FHOD3: variants seen among roughly 807,000 people sequenced by gnomAD.
FHOD3 encodes the protein formin homology 2 domain containing 3, also known as FH1/FH2 domain-containing protein 3.
A neutral mutation model predicts 173.0 loss-of-function variants in FHOD3; 90 were observed. That is an observed-to-expected ratio of 0.52 (90% CI 0.44 to 0.62). The LOEUF (loss-of-function observed/expected upper bound fraction) is 0.62, where lower values mean the gene tolerates loss of function less well. FHOD3 is among the 20% of genes least tolerant of loss of function. The probability of loss-of-function intolerance (pLI) is 0.00; values close to 1 mark genes in which losing one functional copy is unlikely to be tolerated. For synonymous variants in FHOD3, 828 were observed against 823.0 expected (o/e 1.01, Z -0.10); for missense variants, 1,945 against 2,034.7 (o/e 0.96, Z 0.85).
intron 5 of FHOD3, among the ~76,000 whole-genome samples, chr18:36,557,801 A>G (rs1325331966): frequency 6.6e-6 from 1 of 152,020 alleles, no homozygotes; most frequent in African/African-American, 2.4e-5. Context: ...TTGCATGCTG[A>G]TATTTTTGTA....
At chr18:36,758,654 G>A (rs975611229) in intron 25 of FHOD3, among the ~76,000 whole-genome samples, 1 of 152,160 alleles carries the variant, frequency 6.6e-6, no homozygotes, top group East Asian at 1.9e-4. Context: ...TGGGAGGGCC[G>A]GCAGCTGACA....
intron 3 of FHOD3, among the ~76,000 whole-genome samples, chr18:36,382,204 C>T (rs573147837): frequency 3.4e-4 from 52 of 152,184 alleles, no homozygotes; most frequent in Admixed American, 5.9e-4. Flanking sequence ...GGGATGCTGT[C>T]GTCCCCAAAT....
intron 9 of FHOD3, among the ~76,000 whole-genome samples, chr18:36,618,474 G>T (rs190037340): frequency 1.3e-5 from 2 of 151,702 alleles, no homozygotes; most frequent in African/African-American, 4.8e-5. Context: ...CACCATGCCT[G>T]GCTAATTTTG....
intron 17 of FHOD3, among the ~76,000 whole-genome samples, chr18:36,700,894 A>C (rs2039548364): frequency 6.6e-6 from 1 of 151,936 alleles, no homozygotes; most frequent in African/African-American, 2.4e-5. Context: ...TGCCCCCTGG[A>C]CTCTTCATCG....
At chr18:36,387,813 C>T (rs1485576223) in intron 3 of FHOD3, among the ~76,000 whole-genome samples, 1 of 152,104 alleles carries the variant, frequency 6.6e-6, no homozygotes, top group Non-Finnish European at 1.5e-5. Flanking sequence ...CTACCGTGTG[C>T]TGTCATTGCC....
chr18:36,443,078 C>T (rs1324172407), intron 3 of FHOD3, among the ~76,000 whole-genome samples: 3 of 152,152 alleles, frequency 2.0e-5, no homozygotes, highest in African/African-American at 7.2e-5. Flanking sequence ...TATGGAGGTA[C>T]GTGTTGCCAA....
intron 27 of FHOD3, among the ~76,000 whole-genome samples, chr18:36,767,459 ATAGAT>A (rs2043189261): frequency 6.6e-6 from 1 of 152,182 alleles, no homozygotes; most frequent in African/African-American, 2.4e-5. Flanking sequence ...AGCTGGGACT[ATAGAT>A]GCACACCACC....
chr18:36,487,219 A>C (rs2145677867), intron 3 of FHOD3, among the ~76,000 whole-genome samples: 1 of 152,370 alleles, frequency 6.6e-6, no homozygotes, highest in African/African-American at 2.4e-5. Context: ...ATAAGCAACT[A>C]TCAAACTGCT....
At chr18:36,376,644 G>A (rs546215221) in intron 3 of FHOD3, among the ~76,000 whole-genome samples, 1 of 152,248 alleles carries the variant, frequency 6.6e-6, no homozygotes, top group Non-Finnish European at 1.5e-5. Flanking sequence ...AAGTCACAGG[G>A]ACAAAGGCAA....
At chr18:36,533,957 T>A (rs763002544) in intron 5 of FHOD3, among the ~76,000 whole-genome samples, 3 of 152,180 alleles carry the variant, frequency 2.0e-5, no homozygotes, top group Non-Finnish European at 2.9e-5. Flanking sequence ...TAACTTCCCA[T>A]CCATGGCTCC....
intron 14 of FHOD3, among the ~76,000 whole-genome samples, chr18:36,673,772 C>T (rs2037680350): frequency 6.6e-6 from 1 of 152,118 alleles, no homozygotes; most frequent in Non-Finnish European, 1.5e-5. Context: ...TCTTCTGTTG[C>T]ATCCTGCTCC....
At chr18:36,502,071 C>A in intron 4 of FHOD3, 72 bp downstream of exon 4, 1 of 963,858 alleles carries the variant, frequency 1.0e-6, no homozygotes. Flanking sequence ...AAGCTTCTAC[C>A]TGTACTTGTT....
intron 3 of FHOD3, among the ~76,000 whole-genome samples, chr18:36,417,158 C>A (rs1375791558): frequency 6.6e-6 from 1 of 152,120 alleles, no homozygotes; most frequent in Non-Finnish European, 1.5e-5. Flanking sequence ...CAGATTATTT[C>A]ATCACCCAGG....
intron 1 of FHOD3, among the ~76,000 whole-genome samples, chr18:36,329,114 A>C (rs1568129007): frequency 6.6e-6 from 1 of 152,132 alleles, no homozygotes; most frequent in Non-Finnish European, 1.5e-5. Flanking sequence ...TCATGCCCCA[A>C]GGGTCTTACC....
At chr18:36,722,008 C>T (rs1004750264) in intron 19 of FHOD3, among the ~76,000 whole-genome samples, 100 of 152,018 alleles carry the variant, frequency 6.6e-4, no homozygotes, top group African/African-American at 2.3e-3. Flanking sequence ...GGGGTGACCA[C>T]CTAATGAAAA....
chr18:36,567,667 T>C (rs2058312932), intron 5 of FHOD3, among the ~76,000 whole-genome samples: 1 of 152,164 alleles, frequency 6.6e-6, no homozygotes, highest in African/African-American at 2.4e-5. Flanking sequence ...TGACAGTGCT[T>C]TTAACATTTT....
rs1203016637 is a variant in FHOD3, at chr18:36,297,994, G to A, written c.159G>A (p.Pro53=). 3.9e-6 allele frequency: 6 copies of A among 1,546,220 alleles called. No individual in the cohort carries two copies. Among genetic ancestry groups the A allele is most frequent in the African/African-American group, 2.8e-5 (2 of 70,906 alleles). The change falls in exon 1 of 29, where the codon CCG becomes CCA. Residue 53 remains proline (P), a synonymous_variant. Coordinates refer to ENST00000590592, the MANE Select transcript of FHOD3 (RefSeq NM_001281740.3). ...LAGVHRLLQA[P]HKLDDCTLQL... ...GGGTCCATAGGCTGCTGCAGGCGCC[G>A]CACAAGGTACGACCCGGCGGGGTGG... is the stretch of plus-strand genomic sequence containing the variant.
chr18:36,334,560 G>C (rs1019416978), intron 1 of FHOD3, among the ~76,000 whole-genome samples: 1 of 152,216 alleles, frequency 6.6e-6, no homozygotes, highest in South Asian at 2.1e-4. Context: ...TCTTTCTGGA[G>C]ATTGGAGTGT....
chr18:36,540,722 G>A (rs772218371), intron 5 of FHOD3, among the ~76,000 whole-genome samples: 68 of 152,152 alleles, frequency 4.5e-4, no homozygotes, highest in Non-Finnish European at 6.2e-4. Context: ...GTGATTCAAG[G>A]AAGAAGGTGG....
Sources: allele counts gnomAD v4.1 joint callset (sites outside exome capture counted in the v4.1 genomes callset), GRCh38; gene constraint gnomAD v4.1.1; transcripts MANE v1.5; gene names NCBI Gene and HGNC (gene_info 2026-07-23, HGNC 2026-07-21).